DIPK1A: variants seen among roughly 807,000 people sequenced by gnomAD.
DIPK1A encodes the protein divergent protein kinase domain 1A.
A neutral mutation model predicts 40.8 loss-of-function variants in DIPK1A; 27 were observed. The ratio of observed to expected loss-of-function variants is 0.66; its 90% confidence interval spans 0.49 to 0.91. The LOEUF (loss-of-function observed/expected upper bound fraction) is 0.91. Among genes scored for constraint, DIPK1A ranks in the 40% least tolerant of loss-of-function variants. The pLI is 0.00. For synonymous variants in DIPK1A, 166 were observed against 171.3 expected (o/e 0.97, Z 0.24); for missense variants, 412 against 505.7 (o/e 0.81, Z 1.78).
At chr1:92,952,784 C>T (rs1651685423) in intron 1 of DIPK1A, among the ~76,000 whole-genome samples, 2 of 150,726 alleles carry the variant, frequency 1.3e-5, no homozygotes, top group Non-Finnish European at 2.9e-5. Flanking sequence ...AAAAAAAATA[C>T]AGGATCCAAT....
intron 1 of DIPK1A, among the ~76,000 whole-genome samples, chr1:92,953,259 GAA>G (rs1651712999): frequency 5.0e-5 from 1 of 20,108 alleles, no homozygotes; most frequent in Non-Finnish European, 1.0e-4. Flanking sequence ...AAAAAGAAAA[GAA>G]GTGCAGACGG....
intron 1 of DIPK1A, among the ~76,000 whole-genome samples, chr1:92,917,957 T>G (rs1650119475): frequency 6.6e-6 from 1 of 152,042 alleles, no homozygotes; most frequent in Non-Finnish European, 1.5e-5. Context: ...ATATAAACAA[T>G]AAGGCAAACT....
At chr1:92,834,753 C>T (rs1252003320) in intron 4 of DIPK1A, 14 of 1,611,942 alleles carry the variant, frequency 8.7e-6, no homozygotes, top group Non-Finnish European at 1.2e-5. Flanking sequence ...CAACAGATTA[C>T]TAACCTAGTT....
intron 1 of DIPK1A, among the ~76,000 whole-genome samples, chr1:92,895,829 C>A (rs539566652): frequency 6.6e-6 from 1 of 152,122 alleles, no homozygotes; most frequent in South Asian, 2.1e-4. Flanking sequence ...AATCAATGTG[C>A]AAAAATAACA....
chr1:92,931,232 T>C (rs1650734058), intron 1 of DIPK1A: 2 of 154,374 alleles, frequency 1.3e-5, no homozygotes, highest in African/African-American at 4.8e-5. Context: ...AGGTGGATGA[T>C]ACATAAACTG....
intron 1 of DIPK1A, chr1:92,932,673 A>T (rs1650799466): frequency 6.6e-6 from 1 of 152,234 alleles, no homozygotes; most frequent in African/African-American, 2.4e-5. Flanking sequence ...TTAAATGTGT[A>T]TTCCTAAGTG....
chr1:92,845,106 A>G (rs895668916), intron 4 of DIPK1A, among the ~76,000 whole-genome samples: 3 of 151,072 alleles, frequency 2.0e-5, no homozygotes, highest in Non-Finnish European at 4.4e-5. Context: ...CACCACGCCC[A>G]GCTAATTTTT....
chr1:92,950,729 G>C (rs1651598268), intron 1 of DIPK1A, among the ~76,000 whole-genome samples: 1 of 152,066 alleles, frequency 6.6e-6, no homozygotes, highest in African/African-American at 2.4e-5. Flanking sequence ...AAACAAAAAA[G>C]AATAGTGTTT....
chr1:92,869,595 G>A (rs1647735427), intron 2 of DIPK1A, among the ~76,000 whole-genome samples: 1 of 152,128 alleles, frequency 6.6e-6, no homozygotes, highest in South Asian at 2.1e-4. Flanking sequence ...TGGATCTTCT[G>A]TGTCTCTTTA....
At chr1:92,833,391 G>T (rs769877057) in intron 4 of DIPK1A, 1 of 1,610,412 alleles carries the variant, frequency 6.2e-7, no homozygotes, top group Non-Finnish European at 8.5e-7. Flanking sequence ...TCTTTAAGGG[G>T]TTTGTTAAAG....
intron 1 of DIPK1A, among the ~76,000 whole-genome samples, chr1:92,876,726 A>G (rs969406765): frequency 6.6e-6 from 1 of 152,200 alleles, no homozygotes; most frequent in African/African-American, 2.4e-5. Flanking sequence ...GTACCATGCT[A>G]CCCTGGGCAC....
chr1:92,846,686 T>C, intron 4 of DIPK1A: 1 of 329,348 alleles, frequency 3.0e-6, no homozygotes, highest in Non-Finnish European at 5.9e-6. Context: ...TGGAGTGCAG[T>C]GGTGAGATCT....
chr1:92,908,402 C>T (rs1485712924), intron 1 of DIPK1A, among the ~76,000 whole-genome samples: 3 of 152,016 alleles, frequency 2.0e-5, no homozygotes, highest in Non-Finnish European at 2.9e-5. Flanking sequence ...TAGAAGAAAA[C>T]GAGAATGTTG....
chr1:92,852,831 G>A (rs1240637418), intron 2 of DIPK1A, among the ~76,000 whole-genome samples: 10 of 152,056 alleles, frequency 6.6e-5, no homozygotes, highest in Admixed American at 4.6e-4. Flanking sequence ...CTTGAGCTCA[G>A]GAGTTCAAGA....
At chr1:92,923,460 G>A (rs1476918621) in intron 1 of DIPK1A, among the ~76,000 whole-genome samples, 1 of 152,126 alleles carries the variant, frequency 6.6e-6, no homozygotes, top group Non-Finnish European at 1.5e-5. Context: ...TTATACTTCA[G>A]TTCCACAGAG....
chr1:92,851,991 G>A (rs1687840280), intron 2 of DIPK1A, among the ~76,000 whole-genome samples: 1 of 152,250 alleles, frequency 6.6e-6, no homozygotes, highest in African/African-American at 2.4e-5. Context: ...GCTGGAGGCA[G>A]TCTGTTGATG....
intron 2 of DIPK1A, among the ~76,000 whole-genome samples, chr1:92,856,027 T>G (rs1005730225): frequency 1.3e-5 from 2 of 152,044 alleles, no homozygotes; most frequent in Non-Finnish European, 2.9e-5. Context: ...CAGTGAAATG[T>G]GATTGTGCCA....
intron 1 of DIPK1A, among the ~76,000 whole-genome samples, chr1:92,890,908 G>A (rs1648842043): frequency 6.6e-6 from 1 of 152,120 alleles, no homozygotes; most frequent in South Asian, 2.1e-4. Flanking sequence ...TAAATATCTG[G>A]TAGAATTCTG....
chr1:92,841,883 G>T (rs1687380448), downstream of DIPK1A: 6 of 1,564,006 alleles, frequency 3.8e-6, no homozygotes, highest in Non-Finnish European at 5.3e-6. Flanking sequence ...AATTTTCTAT[G>T]ATTTTTTCAG....
Sources: allele counts gnomAD v4.1 joint callset (sites outside exome capture counted in the v4.1 genomes callset), GRCh38; gene constraint gnomAD v4.1.1; transcripts MANE v1.5; gene names NCBI Gene and HGNC (gene_info 2026-07-23, HGNC 2026-07-21).